The following ARHGAP23 variants were observed in gnomAD, a reference collection of about 807,000 sequenced individuals.
The protein encoded by ARHGAP23 is Rho GTPase activating protein 23.
A neutral mutation model predicts 136.3 loss-of-function variants in ARHGAP23; 34 were observed. The ratio of observed to expected loss-of-function variants is 0.25; its 90% CI spans 0.19 to 0.33. The LOEUF is 0.33. Ranked by LOEUF, ARHGAP23 falls within the 10% of genes least tolerant of loss-of-function variation. ARHGAP23 has a pLI of 1.00. For synonymous variants in ARHGAP23, 832 were observed against 920.5 expected (o/e 0.90, Z 1.74); for missense variants, 1,808 against 2,139.0 (o/e 0.85, Z 3.05).
At chr17:38,464,223 C>A (rs2039528660) in intron 6 of ARHGAP23, among the ~76,000 whole-genome samples, 2 of 152,200 alleles carry the variant, frequency 1.3e-5, no homozygotes, top group African/African-American at 4.8e-5. Flanking sequence ...CAGCATCCAG[C>A]CTGCCACACA....
Position 38,482,537 on chromosome 17 carries a change from C to T in ARHGAP23, c.2766C>T (p.Ile922=), listed in dbSNP as rs769092760. ...TGTGTCCCCAGCGCGTCCCCTTAAT[C>T]GTGGCTGCATGCTGTCGCATTGTGG... ...PATENQRVPL[I]VAACCRIVEA... The change falls in exon 16 of 24, where the codon ATC becomes ATT. Residue 922 remains isoleucine, a synonymous_variant. Coordinates refer to ENST00000622683, the MANE Select transcript of ARHGAP23 (RefSeq NM_001199417.2). The T allele has an allele frequency of 5.8e-6, 9 of 1,547,510 alleles. No individual in the cohort carries two copies. In the East Asian group the frequency reaches 1.7e-4, roughly 29 times the overall value.
upstream of ARHGAP23, among the ~76,000 whole-genome samples, chr17:38,425,604 AAG>A (rs887363096): frequency 6.6e-6 from 1 of 152,070 alleles, no homozygotes; most frequent in African/African-American, 2.4e-5. Flanking sequence ...GGAGTTTGGA[AAG>A]AGGGGGAGTA....
At chr17:38,431,088 T>C (rs1229940727) in intron 1 of ARHGAP23, among the ~76,000 whole-genome samples, 1 of 152,168 alleles carries the variant, frequency 6.6e-6, no homozygotes, top group Admixed American at 6.5e-5. Flanking sequence ...GCAGTCTGGC[T>C]CTAGAGTCTG....
At chr17:38,490,215 G>A in intron 18 of ARHGAP23, 40 bp downstream of exon 18, 1 of 1,535,522 alleles carries the variant, frequency 6.5e-7, no homozygotes, top group Middle Eastern at 2.0e-4. Flanking sequence ...AGGTGGGGCA[G>A]CTGCCTGAGC....
intron 1 of ARHGAP23, among the ~76,000 whole-genome samples, chr17:38,432,704 A>G (rs2038711451): frequency 6.6e-6 from 1 of 151,944 alleles, no homozygotes; most frequent in Non-Finnish European, 1.5e-5. Context: ...TTAGCTGGGC[A>G]TGTAGTCCCA....
intron 1 of ARHGAP23, among the ~76,000 whole-genome samples, chr17:38,420,158 G>A (rs1340119299): frequency 2.0e-5 from 3 of 152,138 alleles, no homozygotes; most frequent in Non-Finnish European, 4.4e-5. Context: ...TTCCCTGCAC[G>A]GAGCTCAGCA....
chr17:38,458,685 C>A (rs531645121), intron 2 of ARHGAP23, among the ~76,000 whole-genome samples: 25 of 152,314 alleles, frequency 1.6e-4, no homozygotes, highest in African/African-American at 5.5e-4. Flanking sequence ...CCCTCTCCAG[C>A]GTGAGCTCTC....
At chr17:38,432,652 CTGAG>C (rs932619876) in intron 1 of ARHGAP23, among the ~76,000 whole-genome samples, 2 of 151,430 alleles carry the variant, frequency 1.3e-5, no homozygotes, top group African/African-American at 4.9e-5. Context: ...GCATTCTAGT[CTGAG>C]TGACAAGAGC....
intron 11 of ARHGAP23, among the ~76,000 whole-genome samples, chr17:38,474,995 G>A (rs2039859248): frequency 6.6e-6 from 1 of 152,228 alleles, no homozygotes; most frequent in African/African-American, 2.4e-5. Flanking sequence ...GCCCAGTTCA[G>A]GGACAGGAGC....
intron 1 of ARHGAP23, 79 bp downstream of exon 1, chr17:38,428,627 CCCG>C: frequency 2.0e-6 from 2 of 1,008,006 alleles, no homozygotes; most frequent in Non-Finnish European, 1.3e-6. Flanking sequence ...TCGCTGCGAC[CCCG>C]CTCGCCCTGC....
chr17:38,508,042 A>G (rs1189149045), intron 23 of ARHGAP23, among the ~76,000 whole-genome samples: 2 of 152,224 alleles, frequency 1.3e-5, no homozygotes, highest in African/African-American at 4.8e-5. Flanking sequence ...GACTTCATTC[A>G]CCAATTGTTT....
chr17:38,452,625 A>G (rs2039203289), intron 1 of ARHGAP23, among the ~76,000 whole-genome samples: 3 of 152,084 alleles, frequency 2.0e-5, no homozygotes, highest in Admixed American at 2.0e-4. Context: ...TTCCTTCTCT[A>G]CAAATGAGGC....
chr17:38,447,276 C>A (rs62073432), intron 1 of ARHGAP23, among the ~76,000 whole-genome samples: 1 of 151,206 alleles, frequency 6.6e-6, no homozygotes, highest in Admixed American at 6.6e-5. Flanking sequence ...ACCCCATCTC[C>A]ACTGAAAATA....
intron 23 of ARHGAP23, 126 bp from the exon 24 acceptor site, chr17:38,509,818 G>A: frequency 1.4e-6 from 1 of 700,546 alleles, no homozygotes; most frequent in Non-Finnish European, 2.0e-6. Context: ...ATGCGGCCGT[G>A]GGTGCTGGCC....
At chr17:38,467,619 T>C (rs982014740) in intron 7 of ARHGAP23, among the ~76,000 whole-genome samples, 1 of 152,130 alleles carries the variant, frequency 6.6e-6, no homozygotes, top group Non-Finnish European at 1.5e-5. Context: ...CATCCATCCA[T>C]CCATCATCTG....
At chr17:38,472,476 T>C (rs1442106839) in intron 11 of ARHGAP23, among the ~76,000 whole-genome samples, 1 of 151,740 alleles carries the variant, frequency 6.6e-6, no homozygotes, top group Non-Finnish European at 1.5e-5. Flanking sequence ...TTCATTTGGC[T>C]CCCTGGGAGT....
chr17:38,463,436 C>T lies in ARHGAP23; in HGVS notation c.483+54C>T, dbSNP rs561405728. 105 of 1,537,596 alleles carry T rather than the reference C, an allele frequency of 6.8e-5. 1 individual carries two copies. The South Asian group carries it at 1.1e-3, about 16-fold the overall frequency. On this transcript the variant is annotated intron_variant, in intron 6 of 23. Coordinates refer to ENST00000622683, the MANE Select transcript of ARHGAP23 (RefSeq NM_001199417.2). ...AGACCCCTGAGCCCTGGGGCAGCAC[C>T]GGCTCCCCTGGGAGGCAGAGAAGGA... is the stretch of plus-strand genomic sequence containing the variant.
intron 1 of ARHGAP23, among the ~76,000 whole-genome samples, chr17:38,456,914 G>A (rs942967214): frequency 1.3e-5 from 2 of 151,654 alleles, no homozygotes; most frequent in Non-Finnish European, 2.9e-5. Flanking sequence ...GAAACCTCCA[G>A]CCTTTTTTTT....
intron 23 of ARHGAP23, among the ~76,000 whole-genome samples, chr17:38,504,823 G>A (rs1201767093): frequency 2.0e-5 from 3 of 151,994 alleles, no homozygotes; most frequent in Non-Finnish European, 2.9e-5. Context: ...AGGCGGCGTC[G>A]GTGCCCCAAG....
Sources: allele counts gnomAD v4.1 joint callset (sites outside exome capture counted in the v4.1 genomes callset), GRCh38; gene constraint gnomAD v4.1.1; transcripts MANE v1.5; gene names NCBI Gene and HGNC (gene_info 2026-07-23, HGNC 2026-07-21).